Variants in ATRNL1 observed in about 807,000 individuals in gnomAD.
ATRNL1 encodes attractin like 1.
Under a neutral mutation model 182.7 loss-of-function variants are expected in ATRNL1, and 95 were observed. That is an observed-to-expected ratio of 0.52 (90% CI 0.44 to 0.62). The LOEUF (loss-of-function observed/expected upper bound fraction) is 0.62. Among genes scored for constraint, ATRNL1 ranks in the 20% least tolerant of loss-of-function variants. The pLI is 0.00. For missense variants in ATRNL1, 1,471 were observed against 1,679.5 expected, an observed-to-expected ratio of 0.88 and a Z score of 2.17; for synonymous variants, 576 against 568.3, an observed-to-expected ratio of 1.01 and a Z score of -0.19.
intron 19 of ATRNL1, among the ~76,000 whole-genome samples, chr10:115,368,957 G>T (rs997898544): frequency 1.3e-5 from 2 of 151,964 alleles, no homozygotes; most frequent in Non-Finnish European, 1.5e-5. Context: ...CAGGTGATCT[G>T]CCTGCCTTGG....
intron 27 of ATRNL1, among the ~76,000 whole-genome samples, chr10:115,730,580 A>T (rs949948984): frequency 1.6e-4 from 25 of 151,666 alleles, no homozygotes; most frequent in African/African-American, 5.8e-4. Flanking sequence ...TATGTTTCTT[A>T]TTTCTTCCCA....
intron 27 of ATRNL1, among the ~76,000 whole-genome samples, chr10:115,770,529 A>G (rs1438829985): frequency 6.6e-6 from 1 of 152,214 alleles, no homozygotes; most frequent in Non-Finnish European, 1.5e-5. Flanking sequence ...GGCTGTGTCA[A>G]AAGCATATTG....
At chr10:115,535,356 T>A (rs1851909634) in intron 25 of ATRNL1, among the ~76,000 whole-genome samples, 1 of 151,982 alleles carries the variant, frequency 6.6e-6, no homozygotes, top group Non-Finnish European at 1.5e-5. Context: ...ATTTCATTCA[T>A]TTCATCTTCC....
At chr10:115,362,093 G>GA (rs1222438956) in intron 19 of ATRNL1, among the ~76,000 whole-genome samples, 2 of 150,818 alleles carry the variant, frequency 1.3e-5, no homozygotes, top group African/African-American at 2.4e-5. Flanking sequence ...GTATCCAAAA[G>GA]AAAAAAAAAT....
chr10:115,584,748 T>C (rs1234781946), intron 26 of ATRNL1, among the ~76,000 whole-genome samples: 1 of 152,222 alleles, frequency 6.6e-6, no homozygotes, highest in Non-Finnish European at 1.5e-5. Context: ...CTCTATTTCC[T>C]TCAGTTTTGC....
chr10:115,272,969 C>A (rs569398945), intron 13 of ATRNL1, among the ~76,000 whole-genome samples: 1 of 152,122 alleles, frequency 6.6e-6, no homozygotes, highest in Admixed American at 6.6e-5. Flanking sequence ...GCATTGTGAG[C>A]GAGGAAGGCA....
At chr10:115,445,228 A>G (rs1164412879) in intron 21 of ATRNL1, among the ~76,000 whole-genome samples, 1 of 149,836 alleles carries the variant, frequency 6.7e-6, no homozygotes, top group Non-Finnish European at 1.5e-5. Flanking sequence ...CAGGAGTTTG[A>G]GACCAGCCTG....
chr10:115,635,530 G>T (rs781911657), intron 26 of ATRNL1, among the ~76,000 whole-genome samples: 1 of 152,116 alleles, frequency 6.6e-6, no homozygotes, highest in Non-Finnish European at 1.5e-5. Context: ...ATTCACTACT[G>T]TAGAGTGTAA....
At chr10:115,195,492 A>G (rs151190824) in intron 8 of ATRNL1, among the ~76,000 whole-genome samples, 1 of 152,096 alleles carries the variant, frequency 6.6e-6, no homozygotes. Flanking sequence ...GGGATTCTTT[A>G]TAAGTTGTGT....
intron 27 of ATRNL1, among the ~76,000 whole-genome samples, chr10:115,826,939 T>C (rs1555092187): frequency 6.6e-6 from 1 of 152,134 alleles, no homozygotes; most frequent in Non-Finnish European, 1.5e-5. Context: ...AGAGGATCCT[T>C]GGCTTGTAGG....
At chr10:115,729,506 T>TGTGTGTGC (rs1947722212) in intron 27 of ATRNL1, among the ~76,000 whole-genome samples, 1 of 150,476 alleles carries the variant, frequency 6.6e-6, no homozygotes, top group Admixed American at 6.6e-5. Flanking sequence ...TGTGTGTGTG[T>TGTGTGTGC]GTGTGTGTGT....
At chr10:115,275,112 C>G (rs1229995987) in intron 13 of ATRNL1, among the ~76,000 whole-genome samples, 1 of 152,180 alleles carries the variant, frequency 6.6e-6, no homozygotes, top group Non-Finnish European at 1.5e-5. Context: ...GTGGCTTCTT[C>G]TTGGCTTTTC....
intron 26 of ATRNL1, among the ~76,000 whole-genome samples, chr10:115,688,909 T>C (rs974330485): frequency 1.3e-5 from 2 of 152,170 alleles, no homozygotes; most frequent in African/African-American, 4.8e-5. Flanking sequence ...CTATGTTTCT[T>C]CTAGTAGTTT....
At chr10:115,823,306 C>T (rs961545061) in intron 27 of ATRNL1, among the ~76,000 whole-genome samples, 1 of 152,104 alleles carries the variant, frequency 6.6e-6, no homozygotes, top group Non-Finnish European at 1.5e-5. Flanking sequence ...TTATGACAGA[C>T]CCACAGCCAA....
intron 10 of ATRNL1, among the ~76,000 whole-genome samples, chr10:115,250,044 T>G (rs182867201): frequency 6.6e-6 from 1 of 152,348 alleles, no homozygotes; most frequent in Admixed American, 6.5e-5. Flanking sequence ...TCTTGTTATC[T>G]GGACAGCAGA....
intron 27 of ATRNL1, among the ~76,000 whole-genome samples, chr10:115,818,623 A>T (rs1015998040): frequency 1.3e-5 from 2 of 152,096 alleles, no homozygotes; most frequent in Non-Finnish European, 2.9e-5. Context: ...AGTTCTTCAC[A>T]TCTCTAATAT....
At chr10:115,672,361 T>C (rs534467712) in intron 26 of ATRNL1, among the ~76,000 whole-genome samples, 5 of 152,158 alleles carry the variant, frequency 3.3e-5, no homozygotes, top group Non-Finnish European at 7.4e-5. Flanking sequence ...TTTTTCCAAC[T>C]TATTGTATTC....
chr10:115,669,945 G>C (rs1291565958), intron 26 of ATRNL1, among the ~76,000 whole-genome samples: 1 of 152,000 alleles, frequency 6.6e-6, no homozygotes, highest in Non-Finnish European at 1.5e-5. Context: ...TTCATAACTT[G>C]TCATTTCCCT....
chr10:115,910,581 C>A (rs1261318990), intron 28 of ATRNL1, among the ~76,000 whole-genome samples: 1 of 151,840 alleles, frequency 6.6e-6, no homozygotes, highest in East Asian at 1.9e-4. Context: ...CAAGGAAAGG[C>A]CATTCATTAA....
Sources: gnomAD v4.1 joint callset for allele counts (sites outside exome capture counted in the v4.1 genomes callset) on GRCh38, gnomAD v4.1.1 for gene constraint, MANE v1.5 for transcripts, NCBI Gene and HGNC (gene_info 2026-07-23, HGNC 2026-07-21) for gene names.